EXOC4: variants seen among roughly 807,000 people sequenced by gnomAD.
The protein encoded by EXOC4 is SEC8-like 1.
Under a neutral mutation model 107.2 loss-of-function variants are expected in EXOC4, and 71 were observed. That is an observed-to-expected ratio of 0.66 (90% CI 0.55 to 0.81). The LOEUF (loss-of-function observed/expected upper bound fraction) is 0.81, where lower values mean the gene tolerates loss of function less well. Among genes scored for constraint, EXOC4 ranks in the 30% least tolerant of loss-of-function variants. The probability of loss-of-function intolerance (pLI) is 0.00; values close to 1 mark genes in which losing one functional copy is unlikely to be tolerated. For synonymous variants in EXOC4, 456 were observed against 441.2 expected, an observed-to-expected ratio of 1.03 and a Z score of -0.42; for missense variants, 1,108 against 1,189.6, an observed-to-expected ratio of 0.93 and a Z score of 1.01.
chr7:133,844,900 A>G (rs977195434), intron 11 of EXOC4, among the ~76,000 whole-genome samples: 17 of 152,238 alleles, frequency 1.1e-4, no homozygotes, highest in African/African-American at 3.6e-4. Flanking sequence ...AAAAAAACCC[A>G]TGTCCACATT....
chr7:133,811,946 C>G (rs1320724471), intron 10 of EXOC4, among the ~76,000 whole-genome samples: 1 of 152,138 alleles, frequency 6.6e-6, no homozygotes, highest in African/African-American at 2.4e-5. Context: ...TCCTACAAGT[C>G]TACTGTGTGC....
intron 6 of EXOC4, among the ~76,000 whole-genome samples, chr7:133,359,733 G>T (rs1399067347): frequency 6.6e-6 from 1 of 152,120 alleles, no homozygotes. Context: ...TTAATGTTGT[G>T]TGCTATTTTG....
intron 1 of EXOC4, among the ~76,000 whole-genome samples, chr7:133,261,461 A>G (rs934144756): frequency 6.6e-6 from 1 of 151,954 alleles, no homozygotes. Context: ...AGGTTTTGCT[A>G]TGTTGCTCAG....
intron 10 of EXOC4, among the ~76,000 whole-genome samples, chr7:133,718,169 A>T (rs1458003856): frequency 6.6e-6 from 1 of 152,240 alleles, no homozygotes; most frequent in African/African-American, 2.4e-5. Flanking sequence ...AGGCTAAGTC[A>T]GCAAGAGAAA....
intron 14 of EXOC4, among the ~76,000 whole-genome samples, chr7:133,950,307 C>G (rs537747886): frequency 1.2e-4 from 19 of 152,208 alleles, no homozygotes; most frequent in Non-Finnish European, 2.4e-4. Flanking sequence ...CTTCAAACAA[C>G]ATCTCTTTCT....
At chr7:133,456,795 G>A (rs1418519966) in intron 7 of EXOC4, among the ~76,000 whole-genome samples, 1 of 152,194 alleles carries the variant, frequency 6.6e-6, no homozygotes, top group African/African-American at 2.4e-5. Context: ...TACTTGTGGT[G>A]TGTAGCACAC....
chr7:133,840,726 C>T (rs931037639), intron 11 of EXOC4, among the ~76,000 whole-genome samples: 2 of 152,094 alleles, frequency 1.3e-5, no homozygotes, highest in Non-Finnish European at 2.9e-5. Context: ...CGCGATCCAC[C>T]TGCCTCAGCC....
chr7:133,515,398 TAC>T (rs1799853904), intron 9 of EXOC4, among the ~76,000 whole-genome samples: 1 of 152,078 alleles, frequency 6.6e-6, no homozygotes, highest in Non-Finnish European at 1.5e-5. Flanking sequence ...TGCACATATA[TAC>T]ATATATATAC....
At chr7:133,667,189 C>T (rs1048453929) in intron 10 of EXOC4, among the ~76,000 whole-genome samples, 9 of 152,200 alleles carry the variant, frequency 5.9e-5, no homozygotes, top group Non-Finnish European at 1.0e-4. Flanking sequence ...CCTAAGTAAT[C>T]GAGGAGAGTG....
At chr7:133,552,032 T>A (rs1800599431) in intron 9 of EXOC4, among the ~76,000 whole-genome samples, 1 of 152,158 alleles carries the variant, frequency 6.6e-6, no homozygotes, top group Non-Finnish European at 1.5e-5. Context: ...GTAATAGTAA[T>A]GAATATAAAT....
intron 10 of EXOC4, among the ~76,000 whole-genome samples, chr7:133,764,948 C>T (rs1367341957): frequency 6.6e-6 from 1 of 151,930 alleles, no homozygotes; most frequent in Non-Finnish European, 1.5e-5. Flanking sequence ...GTTACTTAAC[C>T]TCTGCAATCT....
chr7:133,803,081 AT>A (rs971053472), intron 10 of EXOC4, among the ~76,000 whole-genome samples: 16 of 152,158 alleles, frequency 1.1e-4, no homozygotes, highest in Non-Finnish European at 2.2e-4. Context: ...TGTTGCCATA[AT>A]TTTTTATTGT....
intron 5 of EXOC4, among the ~76,000 whole-genome samples, chr7:133,346,786 C>A (rs946200615): frequency 3.3e-4 from 50 of 152,164 alleles, no homozygotes; most frequent in African/African-American, 9.9e-4. Context: ...AGATTGAAAT[C>A]ATATACGTGA....
intron 7 of EXOC4, among the ~76,000 whole-genome samples, chr7:133,422,395 G>A (rs540104133): frequency 6.6e-6 from 1 of 152,268 alleles, no homozygotes; most frequent in African/African-American, 2.4e-5. Flanking sequence ...CTTATAGCTT[G>A]TATCATGTAT....
intron 11 of EXOC4, among the ~76,000 whole-genome samples, chr7:133,858,633 A>G (rs1585204507): frequency 6.6e-6 from 1 of 152,164 alleles, no homozygotes; most frequent in South Asian, 2.1e-4. Context: ...CTAAACAGAC[A>G]TAATTTTATT....
intron 1 of EXOC4, among the ~76,000 whole-genome samples, chr7:133,269,028 A>C (rs1416895040): frequency 6.6e-6 from 1 of 152,240 alleles, no homozygotes; most frequent in Non-Finnish European, 1.5e-5. Context: ...TTTTGAGAAT[A>C]GGAATGGAAA....
At chr7:133,814,393 A>G (rs190571642) in intron 10 of EXOC4, among the ~76,000 whole-genome samples, 35 of 152,294 alleles carry the variant, frequency 2.3e-4, no homozygotes, top group Admixed American at 1.7e-3. Flanking sequence ...TCCAAAATGT[A>G]AATATCCCAC....
chr7:133,363,331 T>C (rs1316362665), intron 6 of EXOC4, among the ~76,000 whole-genome samples: 24 of 152,220 alleles, frequency 1.6e-4, no homozygotes, highest in Admixed American at 7.2e-4. Context: ...AATTGTTAAC[T>C]AAAATATATA....
chr7:133,331,476 T>A (rs906625362), intron 5 of EXOC4, among the ~76,000 whole-genome samples: 62 of 142,228 alleles, frequency 4.4e-4, no homozygotes, highest in African/African-American at 1.6e-3. Flanking sequence ...TTTTTTTTTT[T>A]TTTTTTTTGA....
Sources: allele counts gnomAD v4.1 joint callset (sites outside exome capture counted in the v4.1 genomes callset), GRCh38; gene constraint gnomAD v4.1.1; transcripts MANE v1.5; gene names NCBI Gene and HGNC (gene_info 2026-07-23, HGNC 2026-07-21).